The following PLCB1 variants were observed in gnomAD, a reference collection of about 807,000 sequenced individuals.
PLCB1 encodes the protein phospholipase C beta 1, also known as 1-phosphatidylinositol 4,5-bisphosphate phosphodiesterase beta-1.
Under a neutral mutation model 161.8 loss-of-function variants are expected in PLCB1, and 46 were observed. That is an observed-to-expected ratio of 0.28 (90% CI 0.22 to 0.36). The LOEUF is 0.36. Among genes scored for constraint, PLCB1 ranks in the 10% least tolerant of loss-of-function variants. PLCB1 has a pLI of 1.00. For missense variants in PLCB1, 1,016 were observed against 1,472.5 expected, an observed-to-expected ratio of 0.69 and a Z score of 5.07; for synonymous variants, 517 against 503.7, an observed-to-expected ratio of 1.03 and a Z score of -0.35.
At chr20:8,823,595 A>G (rs375566492) in intron 31 of PLCB1, among the ~76,000 whole-genome samples, 29 of 152,334 alleles carry the variant, frequency 1.9e-4, no homozygotes, top group African/African-American at 6.3e-4. Context: ...ACCATATTCA[A>G]CTATTGATAT....
intron 31 of PLCB1, among the ~76,000 whole-genome samples, chr20:8,873,952 C>T (rs2146328026): frequency 6.6e-6 from 1 of 151,996 alleles, no homozygotes; most frequent in Admixed American, 6.6e-5. Context: ...ATTGCTGCCT[C>T]TCAAAGGCTA....
intron 31 of PLCB1, among the ~76,000 whole-genome samples, chr20:8,812,027 A>G (rs543670819): frequency 1.1e-3 from 175 of 152,324 alleles, no homozygotes; most frequent in African/African-American, 4.2e-3. Context: ...AAAATTTTGT[A>G]AAACAGGGAT....
rs2719769 is a variant in PLCB1 at position 8,352,654 on chromosome 20, C to A, written c.178-18728C>A. On this transcript the variant is annotated intron_variant, in intron 2 of 31. Coordinates refer to ENST00000338037, the MANE Select transcript of PLCB1 (RefSeq NM_015192.4). ...CTGAAGGCAATAAGGGAGGAAGTTG[C>A]TAACTGAAGTAACTGGAAATGAATG... Among the ~76,000 whole-genome samples, 690 of 152,046 alleles carry A rather than the reference C, an allele frequency of 4.5e-3. 7 individuals are homozygous for A. The highest frequency in any genetic ancestry group is 0.016 in the African/African-American group (655 of 41,470).
intron 9 of PLCB1, among the ~76,000 whole-genome samples, chr20:8,684,633 C>T (rs911596670): frequency 1.3e-5 from 2 of 152,042 alleles, no homozygotes; most frequent in East Asian, 1.9e-4. Context: ...GCACTGATAA[C>T]ATTTTAGTGC....
At chr20:8,447,757 T>C (rs1259974113) in intron 3 of PLCB1, among the ~76,000 whole-genome samples, 1 of 152,202 alleles carries the variant, frequency 6.6e-6, no homozygotes, top group East Asian at 1.9e-4. Flanking sequence ...CAACAAAGGC[T>C]GGATAATCAC....
chr20:8,795,094 G>C (rs1445850913), intron 31 of PLCB1, among the ~76,000 whole-genome samples: 1 of 152,140 alleles, frequency 6.6e-6, no homozygotes, highest in African/African-American at 2.4e-5. Context: ...ATGTGAGCTG[G>C]GACCTTAAGT....
intron 19 of PLCB1, among the ~76,000 whole-genome samples, chr20:8,734,433 C>A (rs2123504944): frequency 6.6e-6 from 1 of 151,858 alleles, no homozygotes; most frequent in South Asian, 2.1e-4. Context: ...TTTCAAATTA[C>A]TTTAAATGGT....
At chr20:8,779,445 T>C (rs949524476) in intron 27 of PLCB1, among the ~76,000 whole-genome samples, 5 of 150,498 alleles carry the variant, frequency 3.3e-5, no homozygotes, top group Non-Finnish European at 7.4e-5. Flanking sequence ...TTTGATGTAA[T>C]TGTTCATATC....
intron 2 of PLCB1, among the ~76,000 whole-genome samples, chr20:8,272,696 G>A (rs1982344490): frequency 6.6e-6 from 1 of 152,102 alleles, no homozygotes; most frequent in South Asian, 2.1e-4. Flanking sequence ...AAATGCTAAG[G>A]AAATGTCCTC....
At chr20:8,762,443 A>T (rs1004384011) in intron 25 of PLCB1, among the ~76,000 whole-genome samples, 1 of 152,244 alleles carries the variant, frequency 6.6e-6, no homozygotes, top group Non-Finnish European at 1.5e-5. Context: ...TCTAAGGAAC[A>T]GCCTCTCTCA....
rs780032444 is a variant in PLCB1, at chr20:8,716,351, A to G, written c.1335+3A>G. The G allele has an allele frequency of 6.2e-7, 1 of 1,607,006 alleles. No homozygotes were observed. The highest frequency in any genetic ancestry group is 8.5e-7 in the Non-Finnish European group (1 of 1,173,562). On this transcript the variant is annotated splice_donor_region_variant and intron_variant, in intron 13 of 31. Coordinates refer to ENST00000338037, the MANE Select transcript of PLCB1 (RefSeq NM_015192.4). ...TGGAGCCCCTGGAAAAATATCCAGT[A>G]AGCAGTTCTGATGTTTGTCCTTGAA...
chr20:8,451,121 A>AT (rs976866324), intron 3 of PLCB1, among the ~76,000 whole-genome samples: 5 of 152,112 alleles, frequency 3.3e-5, no homozygotes, highest in Non-Finnish European at 7.3e-5. Context: ...ATTATAAGAC[A>AT]TTTTTCATTT....
At chr20:8,345,678 G>A (rs901052549) in intron 2 of PLCB1, among the ~76,000 whole-genome samples, 3 of 152,178 alleles carry the variant, frequency 2.0e-5, no homozygotes, top group African/African-American at 4.8e-5. Context: ...AAATGCCCGG[G>A]ACTGGAGAAA....
At chr20:8,365,952 A>G (rs1986697619) in intron 2 of PLCB1, among the ~76,000 whole-genome samples, 1 of 152,042 alleles carries the variant, frequency 6.6e-6, no homozygotes, top group South Asian at 2.1e-4. Context: ...TTTAAACTGT[A>G]TTTCCTCCTC....
chr20:8,229,387 T>G (rs1979882829), intron 2 of PLCB1, among the ~76,000 whole-genome samples: 1 of 152,182 alleles, frequency 6.6e-6, no homozygotes, highest in Non-Finnish European at 1.5e-5. Context: ...TGTACTTATC[T>G]TCCTGTGAGA....
chr20:8,642,808 A>T (rs1228687557), intron 4 of PLCB1, among the ~76,000 whole-genome samples: 2 of 152,202 alleles, frequency 1.3e-5, no homozygotes, highest in Non-Finnish European at 2.9e-5. Flanking sequence ...CTGGCGTGAA[A>T]CTAGCCTCTG....
Position 8,501,829 on chromosome 20 carries a change from G to A in PLCB1, c.247-126465G>A, listed in dbSNP as rs537642314. ...TGCAGGAGCAGTGTATATAGTATGC[G>A]GTATGCCACTATTTTTTTTAAAAAA... is the stretch of plus-strand genomic sequence containing the variant. On this transcript the variant is annotated intron_variant, in intron 3 of 31. Transcript: ENST00000338037. Among the ~76,000 whole-genome samples, 16 of 141,066 alleles carry A rather than the reference G, an allele frequency of 1.1e-4. No individual in the cohort carries two copies. In the East Asian group the frequency reaches 2.5e-3, roughly 22 times the overall value. The allele number at this position is 141,066 out of a possible 152,430, so 92.5% of individuals were successfully genotyped here.
At chr20:8,272,740 C>T (rs1982347477) in intron 2 of PLCB1, among the ~76,000 whole-genome samples, 1 of 152,048 alleles carries the variant, frequency 6.6e-6, no homozygotes. Flanking sequence ...AAGTGTAGTA[C>T]CTTTTGCTTG....
chr20:8,621,231 A>G (rs1988175606), intron 3 of PLCB1, among the ~76,000 whole-genome samples: 1 of 152,144 alleles, frequency 6.6e-6, no homozygotes, highest in Non-Finnish European at 1.5e-5. Flanking sequence ...TGCACACACC[A>G]TTACCCCTCA....
Sources: gnomAD v4.1 joint callset for allele counts (sites outside exome capture counted in the v4.1 genomes callset) on GRCh38, gnomAD v4.1.1 for gene constraint, MANE v1.5 for transcripts, NCBI Gene and HGNC (gene_info 2026-07-23, HGNC 2026-07-21) for gene names.